Variants in GSDMC observed in about 807,000 individuals in gnomAD.
GSDMC encodes gasdermin C.
GSDMC carries 59 observed loss-of-function variants against 58.0 expected under a neutral mutation model. The ratio of observed to expected loss-of-function variants is 1.02; its 90% confidence interval spans 0.82 to 1.26. GSDMC has a LOEUF of 1.26. GSDMC is among the 50% of genes most tolerant of loss of function. GSDMC has a pLI of 0.00. For missense variants in GSDMC, 659 were observed against 598.5 expected (o/e 1.10, Z -1.06); for synonymous variants, 241 against 220.2 (o/e 1.09, Z -0.83).
chr8:129,733,121 C>A, the GSDMC span, among the ~76,000 whole-genome samples: 1 of 152,248 alleles, frequency 6.6e-6, no homozygotes, highest in African/African-American at 2.4e-5. Flanking sequence ...AGGTGTCCGC[C>A]ATTGCTGAGG....
At chr8:129,778,379 T>C (rs1352984428) in intron 1 of GSDMC, among the ~76,000 whole-genome samples, 2 of 152,242 alleles carry the variant, frequency 1.3e-5, no homozygotes, top group South Asian at 2.1e-4. Context: ...ATTCAATAAA[T>C]GGTGCTGGGA....
the GSDMC span, among the ~76,000 whole-genome samples, chr8:129,739,622 A>C: frequency 6.6e-6 from 1 of 152,174 alleles, no homozygotes; most frequent in Non-Finnish European, 1.5e-5. Context: ...TAGCTGTCCT[A>C]ATATCCTGGC....
the GSDMC span, among the ~76,000 whole-genome samples, chr8:129,731,274 G>A: frequency 1.3e-5 from 2 of 152,244 alleles, no homozygotes; most frequent in Non-Finnish European, 2.9e-5. Context: ...TGGAAAGAGT[G>A]TGACTACTCA....
chr8:129,712,873 T>C, the GSDMC span, among the ~76,000 whole-genome samples: 4 of 152,186 alleles, frequency 2.6e-5, no homozygotes, highest in East Asian at 5.8e-4. Context: ...AGGTGAGACA[T>C]AGACGAGGCT....
At chr8:129,778,694 T>G (rs1193988008) in intron 1 of GSDMC, among the ~76,000 whole-genome samples, 3 of 150,298 alleles carry the variant, frequency 2.0e-5, no homozygotes, top group Non-Finnish European at 3.0e-5. Flanking sequence ...TGGGAGAAAA[T>G]TTTTGCAAAC....
the GSDMC span, among the ~76,000 whole-genome samples, chr8:129,725,404 C>G: frequency 6.6e-6 from 1 of 152,192 alleles, no homozygotes; most frequent in Non-Finnish European, 1.5e-5. Context: ...ATTGTGTACT[C>G]TGCCACATGC....
intron 6 of GSDMC, among the ~76,000 whole-genome samples, chr8:129,754,037 A>T (rs781272118): frequency 1.1e-4 from 16 of 152,354 alleles, no homozygotes; most frequent in Non-Finnish European, 1.6e-4. Context: ...TAGCTCCCAA[A>T]CAGCATCTCT....
At chr8:129,756,154 T>C (rs938783788) in intron 6 of GSDMC, among the ~76,000 whole-genome samples, 1 of 146,212 alleles carries the variant, frequency 6.8e-6, no homozygotes, top group Non-Finnish European at 1.5e-5. Flanking sequence ...AATAAAGGGA[T>C]GGAAAAAGAT....
the GSDMC span, among the ~76,000 whole-genome samples, chr8:129,734,901 C>T: frequency 2.0e-5 from 3 of 152,276 alleles, no homozygotes; most frequent in South Asian, 6.2e-4. Flanking sequence ...CATCAGTGTG[C>T]TGTATTCAGG....
chr8:129,740,266 A>C, the GSDMC span, among the ~76,000 whole-genome samples: 1 of 152,176 alleles, frequency 6.6e-6, no homozygotes, highest in East Asian at 1.9e-4. Flanking sequence ...TTGTAAGTTT[A>C]GTGTAGCCTA....
the GSDMC span, among the ~76,000 whole-genome samples, chr8:129,737,430 TACC>T: frequency 1.3e-5 from 2 of 152,214 alleles, no homozygotes; most frequent in African/African-American, 4.8e-5. Context: ...ATGGTACTGT[TACC>T]AAAACAGAGA....
chr8:129,743,727 T>C (rs1460602124), downstream of GSDMC, among the ~76,000 whole-genome samples: 1 of 152,208 alleles, frequency 6.6e-6, no homozygotes, highest in Non-Finnish European at 1.5e-5. Flanking sequence ...TATATGCAGA[T>C]CCACTTGATT....
At chr8:129,721,742 T>C in the GSDMC span, among the ~76,000 whole-genome samples, 1 of 152,226 alleles carries the variant, frequency 6.6e-6, no homozygotes, top group Non-Finnish European at 1.5e-5. Flanking sequence ...CACTTTTTCT[T>C]ATGTAATAGC....
the GSDMC span, among the ~76,000 whole-genome samples, chr8:129,729,571 T>A: frequency 6.6e-6 from 1 of 152,154 alleles, no homozygotes; most frequent in Non-Finnish European, 1.5e-5. Context: ...TTTGGTTTTT[T>A]GTTCTTGCGA....
Position 129,776,284 on chromosome 8 carries a change from T to G in GSDMC, c.222A>C (p.Glu74Asp), listed in dbSNP as rs745375697. 7 of 1,597,380 alleles carry G rather than the reference T, an allele frequency of 4.4e-6. No individual in the cohort carries two copies. The South Asian group carries it at 8.0e-5, about 18-fold the overall frequency. ...AGTGGAACGGTCCTGTCACAACAGTTTCTGGGGAAAGAAAAGACGACCATA... is the reference window on the plus strand; with the variant it reads ...AGTGGAACGGTCCTGTCACAACAGTGTCTGGGGAAAGAAAAGACGACCATA... ...DILEPSSSVLETVVTGPFHFS... is the reference protein window; with the variant it reads ...DILEPSSSVLDTVVTGPFHFS... The change falls in exon 3 of 14, where the codon GAA becomes GAC. Residue 74 changes from glutamate to aspartate, a missense_variant and splice_region_variant. Physicochemically the swap from Glu to Asp is conservative, Grantham distance 45 (BLOSUM62 2). Coordinates refer to ENST00000276708, the MANE Select transcript of GSDMC (RefSeq NM_031415.3).
intron 1 of GSDMC, among the ~76,000 whole-genome samples, chr8:129,780,806 C>A (rs562979821): frequency 6.6e-6 from 1 of 152,046 alleles, no homozygotes; most frequent in Non-Finnish European, 1.5e-5. Flanking sequence ...AAAGGCCAAA[C>A]GATAAACCAA....
chr8:129,709,583 AGATAGAT>A, the GSDMC span, among the ~76,000 whole-genome samples: 5 of 143,568 alleles, frequency 3.5e-5, no homozygotes, highest in African/African-American at 1.3e-4. Flanking sequence ...GATGATAGAT[AGATAGAT>A]GATAGATAGA....
chr8:129,738,313 T>C, the GSDMC span, among the ~76,000 whole-genome samples: 6,581 of 152,324 alleles, frequency 0.043, 201 homozygotes, highest in East Asian at 0.057. Context: ...ACTGGGTATA[T>C]ACCCAAAGGA....
chr8:129,709,483 G>C, the GSDMC span, among the ~76,000 whole-genome samples: 11 of 126,290 alleles, frequency 8.7e-5, no homozygotes, highest in South Asian at 2.8e-3. Flanking sequence ...TAGATAGACA[G>C]ATAATAGATA....
Sources: gnomAD v4.1 joint callset for allele counts (sites outside exome capture counted in the v4.1 genomes callset) on GRCh38, gnomAD v4.1.1 for gene constraint, MANE v1.5 for transcripts, NCBI Gene and HGNC (gene_info 2026-07-23, HGNC 2026-07-21) for gene names.